The following BMP5 variants were observed in gnomAD, a reference collection of about 807,000 sequenced individuals.
BMP5 encodes the protein bone morphogenetic protein 5.
In BMP5, 23 loss-of-function variants were observed where a neutral mutation model predicts 46.6. The observed-to-expected ratio is 0.49, with a 90% CI of 0.35 to 0.70. The LOEUF (loss-of-function observed/expected upper bound fraction) is 0.70. Ranked by LOEUF, BMP5 falls within the 30% of genes least tolerant of loss-of-function variation. BMP5 has a pLI of 0.00. For synonymous variants in BMP5, 204 were observed against 191.9 expected, an observed-to-expected ratio of 1.06 and a Z score of -0.52; for missense variants, 545 against 565.6, an observed-to-expected ratio of 0.96 and a Z score of 0.37.
In BMP5 at chr6:55,807,909, G is replaced by T. The variant is rs74700072; in HGVS notation, c.683+11746C>A. On this transcript the variant is annotated intron_variant, in intron 2 of 6. Coordinates refer to ENST00000370830, the MANE Select transcript of BMP5 (RefSeq NM_021073.4). ...ACATGATGCCAGTAGGAACGCTCCTGTATAGGGTGTCTGATGATCCCTGTT... is the reference window on the plus strand; with the variant it reads ...ACATGATGCCAGTAGGAACGCTCCTTTATAGGGTGTCTGATGATCCCTGTT... Among the ~76,000 whole-genome samples the T allele has an allele frequency of 2.9e-3, 435 of 152,322 alleles. 3 individuals are homozygous for T. The highest frequency in any genetic ancestry group is 9.5e-3 in the African/African-American group (396 of 41,574).
chr6:55,787,519 A>C (rs1402599762), intron 3 of BMP5, among the ~76,000 whole-genome samples: 1 of 151,690 alleles, frequency 6.6e-6, no homozygotes, highest in African/African-American at 2.4e-5. Context: ...AGGAAATATT[A>C]CTGGATATTT....
At chr6:55,799,927 T>C (rs17677530) in intron 2 of BMP5, among the ~76,000 whole-genome samples, 8,849 of 152,246 alleles carry the variant, frequency 0.058, 340 homozygotes, top group Middle Eastern at 0.12. Flanking sequence ...AACATCACCT[T>C]TTTAAAAAGC....
At chr6:55,792,702 A>T (rs1180054893) in intron 3 of BMP5, among the ~76,000 whole-genome samples, 2 of 152,212 alleles carry the variant, frequency 1.3e-5, no homozygotes, top group African/African-American at 4.8e-5. Context: ...CAGGTAAAAC[A>T]ACGCCATAGT....
At chr6:55,811,218 A>C (rs1238564747) in intron 2 of BMP5, among the ~76,000 whole-genome samples, 1 of 152,176 alleles carries the variant, frequency 6.6e-6, no homozygotes, top group Non-Finnish European at 1.5e-5. Flanking sequence ...GGGGGAGATG[A>C]TGTAAATATG....
chr6:55,814,054 C>A (rs1776199067), intron 2 of BMP5, among the ~76,000 whole-genome samples: 1 of 152,034 alleles, frequency 6.6e-6, no homozygotes, highest in African/African-American at 2.4e-5. Flanking sequence ...TTATCTAAAA[C>A]TTGTGTTTTC....
At chr6:55,781,310 T>A (rs1401365850) in intron 3 of BMP5, among the ~76,000 whole-genome samples, 1 of 152,132 alleles carries the variant, frequency 6.6e-6, no homozygotes, top group Non-Finnish European at 1.5e-5. Context: ...ATTATACATA[T>A]CTTAAATGAA....
chr6:55,824,955 A>C (rs922878111), intron 1 of BMP5, among the ~76,000 whole-genome samples: 1 of 151,966 alleles, frequency 6.6e-6, no homozygotes, highest in Non-Finnish European at 1.5e-5. Context: ...AAATGAAAAA[A>C]GGAAACTTTA....
Position 55,804,783 on chromosome 6 carries a change from G to A in BMP5, c.684-10356C>T, listed in dbSNP as rs1192706093. On this transcript the variant is annotated intron_variant, in intron 2 of 6. Transcript: ENST00000370830. ...TGTGAATATGGTTATGATGTGGAAA[G>A]GACAAATACTGTGGAGTTTGGGGAA... Among the ~76,000 whole-genome samples the A allele has an allele frequency of 2.6e-5, 4 of 152,230 alleles. No individual in the cohort carries two copies. In the East Asian group the frequency reaches 7.7e-4, roughly 29 times the overall value.
At chr6:55,793,841 T>A (rs1188176033) in intron 3 of BMP5, among the ~76,000 whole-genome samples, 1 of 152,214 alleles carries the variant, frequency 6.6e-6, no homozygotes, top group Non-Finnish European at 1.5e-5. Flanking sequence ...TGATACATAT[T>A]TATCATTGTT....
At chr6:55,772,776 AT>A in intron 4 of BMP5, 1 of 985,174 alleles carries the variant, frequency 1.0e-6, no homozygotes, top group Non-Finnish European at 1.2e-6. Flanking sequence ...ATTCAGTATA[AT>A]GCAATTCCAT....
At chr6:55,825,890 C>T (rs916491460) in intron 1 of BMP5, among the ~76,000 whole-genome samples, 1 of 151,732 alleles carries the variant, frequency 6.6e-6, no homozygotes, top group African/African-American at 2.4e-5. Flanking sequence ...AGGAGCCTAG[C>T]CAGCTGTTGA....
At chr6:55,842,502 A>G (rs1466444118) in intron 1 of BMP5, among the ~76,000 whole-genome samples, 1 of 152,110 alleles carries the variant, frequency 6.6e-6, no homozygotes, top group Non-Finnish European at 1.5e-5. Context: ...GTGCCTCCAC[A>G]TAGCACCTTT....
intron 1 of BMP5, among the ~76,000 whole-genome samples, chr6:55,856,696 T>C: frequency 6.6e-6 from 1 of 152,124 alleles, no homozygotes; most frequent in East Asian, 1.9e-4. Context: ...TTTATATTTT[T>C]ACACTTACAT....
At chr6:55,767,119 T>A (rs1230925111) in intron 4 of BMP5, among the ~76,000 whole-genome samples, 2 of 152,044 alleles carry the variant, frequency 1.3e-5, no homozygotes, top group East Asian at 3.9e-4. Context: ...AATGCCTTAA[T>A]GTCTATTGGC....
chr6:55,830,372 G>T (rs1309415139), intron 1 of BMP5, among the ~76,000 whole-genome samples: 4 of 151,942 alleles, frequency 2.6e-5, no homozygotes, highest in Admixed American at 1.3e-4. Flanking sequence ...TCTCATATTT[G>T]GGTTGACATG....
chr6:55,789,067 G>T (rs1775515643), intron 3 of BMP5, among the ~76,000 whole-genome samples: 1 of 151,478 alleles, frequency 6.6e-6, no homozygotes, highest in African/African-American at 2.4e-5. Flanking sequence ...TTTTCAAAAT[G>T]GCTCTTAAGT....
chr6:55,764,521 G>T (rs973020865), intron 4 of BMP5, among the ~76,000 whole-genome samples: 1 of 148,986 alleles, frequency 6.7e-6, no homozygotes. Flanking sequence ...TGCAGTGAGC[G>T]AGATGGTGCC....
intron 2 of BMP5, among the ~76,000 whole-genome samples, chr6:55,803,529 C>T (rs537296829): frequency 3.0e-4 from 45 of 152,214 alleles, no homozygotes; most frequent in African/African-American, 1.1e-3. Flanking sequence ...GGAAGCAGCA[C>T]CCAAGTTTAT....
chr6:55,815,079 G>A (rs1165401904), intron 2 of BMP5, among the ~76,000 whole-genome samples: 1 of 147,474 alleles, frequency 6.8e-6, no homozygotes, highest in Non-Finnish European at 1.5e-5. Context: ...GTTGCAGTGG[G>A]CTGAGATAGT....
Sources: gnomAD v4.1 joint callset for allele counts (sites outside exome capture counted in the v4.1 genomes callset) on GRCh38, gnomAD v4.1.1 for gene constraint, MANE v1.5 for transcripts, NCBI Gene and HGNC (gene_info 2026-07-23, HGNC 2026-07-21) for gene names.